INPP5B: variants seen among roughly 807,000 people sequenced by gnomAD.
INPP5B encodes type II inositol 1,4,5-trisphosphate 5-phosphatase.
A neutral mutation model predicts 118.5 loss-of-function variants in INPP5B; 90 were observed. That is an observed-to-expected ratio of 0.76 (90% confidence interval 0.64 to 0.90). The LOEUF (loss-of-function observed/expected upper bound fraction) is 0.90. Ranked by LOEUF, INPP5B falls within the 40% of genes least tolerant of loss-of-function variation. The pLI is 0.00. For synonymous variants in INPP5B, 385 were observed against 418.9 expected (o/e 0.92, Z 0.99); for missense variants, 984 against 1,125.6 (o/e 0.87, Z 1.80).
At chr1:37,878,842 G>T (rs1285007935) in intron 15 of INPP5B, among the ~76,000 whole-genome samples, 1 of 151,410 alleles carries the variant, frequency 6.6e-6, no homozygotes, top group Non-Finnish European at 1.5e-5. Context: ...TAGAGGTGGG[G>T]TTTCACCATG....
At chr1:37,895,909 G>A (rs1483845848) in intron 7 of INPP5B, among the ~76,000 whole-genome samples, 6 of 152,226 alleles carry the variant, frequency 3.9e-5, no homozygotes, top group Non-Finnish European at 7.3e-5. Context: ...AAAGTGCTGA[G>A]ATTGCAGCCT....
rs987667118 is a variant in INPP5B, at chr1:37,907,360, C to A, written c.533-15906G>T. ...TCCTCTCTACCCTGAATACAAGAGA[C>A]CCTCATAGTTAGGCAGGAATATAAT... is the stretch of plus-strand genomic sequence containing the variant. On this transcript the variant is annotated intron_variant, in intron 7 of 23. Coordinates refer to ENST00000373024, the MANE Select transcript of INPP5B (RefSeq NM_005540.3). This position sits in a 1 kb window ranked among gnomAD's most constrained non-coding sequence, Gnocchi z 4.3. Among the ~76,000 whole-genome samples, 3 of 152,156 alleles carry A rather than the reference C, an allele frequency of 2.0e-5. No individual in the cohort carries two copies. The highest frequency in any genetic ancestry group is 4.4e-5 in the Non-Finnish European group (3 of 68,038).
intron 7 of INPP5B, among the ~76,000 whole-genome samples, chr1:37,894,574 T>C (rs1445802139): frequency 6.8e-6 from 1 of 146,024 alleles, no homozygotes; most frequent in East Asian, 1.9e-4. Context: ...TTTTTTTTTT[T>C]TTTTTGAGAC....
At position 37,904,379 on chromosome 1, in the gene INPP5B, C is replaced by T. The variant is rs529365999; in HGVS notation, c.533-12925G>A. Among the ~76,000 whole-genome samples the T allele has an allele frequency of 1.1e-4, 16 of 150,496 alleles. 1 individual carries two copies. The South Asian group carries it at 2.1e-3, about 20-fold the overall frequency. ...GTCACGGGAATGTGGATTTTTTTTT[C>T]GCCTAAAGGGTTAAAGGATTGTTTA... On this transcript the variant is annotated intron_variant, in intron 7 of 23. Coordinates refer to ENST00000373024, the MANE Select transcript of INPP5B (RefSeq NM_005540.3).
rs376753304 is a variant in INPP5B, at chr1:37,887,030, A to G, written c.1015-26T>C. 7.5e-6 allele frequency: 12 copies of G among 1,593,936 alleles called. No individual in the cohort carries two copies. The African/African-American group carries it at 9.4e-5, about 12-fold the overall frequency. On this transcript the variant is annotated intron_variant, in intron 11 of 23. Coordinates refer to ENST00000373024, the MANE Select transcript of INPP5B (RefSeq NM_005540.3). ...CTGGAAAAGAGAGACATGGCATTAA[A>G]TAGAAATTGCAAACAGGAATAAATA...
intron 17 of INPP5B, 24 bp from the exon 18 acceptor site, chr1:37,874,179 GA>G: frequency 6.5e-7 from 1 of 1,531,374 alleles, no homozygotes; most frequent in South Asian, 1.2e-5. Flanking sequence ...CGGGGCCAGT[GA>G]AAACCAGTGC....
intron 7 of INPP5B, among the ~76,000 whole-genome samples, chr1:37,904,351 G>T (rs1049072186): frequency 1.3e-5 from 2 of 151,936 alleles, no homozygotes; most frequent in South Asian, 4.2e-4. Context: ...AAATAAATAA[G>T]AAGTCACGGG....
At chr1:37,923,815 G>A (rs1017779908) in intron 7 of INPP5B, among the ~76,000 whole-genome samples, 6 of 151,082 alleles carry the variant, frequency 4.0e-5, no homozygotes, top group Non-Finnish European at 7.4e-5. Context: ...TCGCTGTGTC[G>A]CCCAGGCTGG....
intron 23 of INPP5B, among the ~76,000 whole-genome samples, 186 bp from the exon 24 acceptor site, chr1:37,862,616 A>G (rs1342334051): frequency 1.3e-5 from 2 of 152,214 alleles, no homozygotes; most frequent in Non-Finnish European, 2.9e-5. Flanking sequence ...GGTATAGTCT[A>G]TTGCTCCTAA....
intron 6 of INPP5B, among the ~76,000 whole-genome samples, chr1:37,939,328 C>T (rs1015545495): frequency 1.4e-4 from 21 of 151,882 alleles, no homozygotes; most frequent in African/African-American, 5.1e-4. Flanking sequence ...CGCGCCACTG[C>T]ACTCCAGCCT....
intron 18 of INPP5B, among the ~76,000 whole-genome samples, chr1:37,873,707 T>C (rs1642614949): frequency 6.6e-6 from 1 of 152,222 alleles, no homozygotes; most frequent in African/African-American, 2.4e-5. Context: ...AGCAAGATAG[T>C]AAAATGGTTC....
chr1:37,897,622 G>A (rs1205360765), intron 7 of INPP5B, among the ~76,000 whole-genome samples: 2 of 150,754 alleles, frequency 1.3e-5, no homozygotes, highest in Admixed American at 6.6e-5. Context: ...CCTCTGCCTA[G>A]GAAAACCAGA....
intron 20 of INPP5B, among the ~76,000 whole-genome samples, chr1:37,867,956 C>A (rs1270814521): frequency 6.6e-6 from 1 of 152,204 alleles, no homozygotes; most frequent in East Asian, 1.9e-4. Flanking sequence ...CCCCAGAGGC[C>A]ATGGGAAGGA....
At chr1:37,863,302 G>A (rs1057293584) in intron 23 of INPP5B, among the ~76,000 whole-genome samples, 5 of 151,562 alleles carry the variant, frequency 3.3e-5, no homozygotes, top group Non-Finnish European at 7.4e-5. Flanking sequence ...GAATCACGAG[G>A]TCAAGAGATT....
intron 8 of INPP5B, among the ~76,000 whole-genome samples, chr1:37,890,966 C>T (rs1191077855): frequency 1.3e-5 from 2 of 152,166 alleles, no homozygotes; most frequent in Non-Finnish European, 1.5e-5. Context: ...GTGGCTCATG[C>T]CTGTAATCCC....
intron 2 of INPP5B, 130 bp downstream of exon 2, chr1:37,946,122 A>C: frequency 1.1e-6 from 1 of 874,844 alleles, no homozygotes; most frequent in African/African-American, 1.7e-5. Context: ...GTAAGTACTT[A>C]GTAAATACTG....
intron 6 of INPP5B, among the ~76,000 whole-genome samples, chr1:37,935,221 T>C (rs1448496936): frequency 8.5e-6 from 1 of 117,400 alleles, no homozygotes; most frequent in African/African-American, 3.1e-5. Context: ...AGATGGAGTC[T>C]GGCTCTGTCG....
intron 7 of INPP5B, chr1:37,930,699 A>T (rs2148661017): frequency 6.6e-6 from 1 of 152,366 alleles, no homozygotes; most frequent in Middle Eastern, 3.4e-3. Context: ...AGAAACAAGC[A>T]CCGAGGAAGT....
At chr1:37,889,801 C>T in intron 8 of INPP5B, 77 bp from the exon 9 acceptor site, 2 of 1,120,778 alleles carry the variant, frequency 1.8e-6, no homozygotes, top group East Asian at 2.4e-5. Context: ...GCTAAAAGTT[C>T]CCCTATACAA....
Sources: allele counts gnomAD v4.1 joint callset (sites outside exome capture counted in the v4.1 genomes callset), GRCh38; gene constraint gnomAD v4.1.1; non-coding constraint Gnocchi (gnomAD v3.1); transcripts MANE v1.5; gene names NCBI Gene and HGNC (gene_info 2026-07-23, HGNC 2026-07-21).